The following MGAT4C variants were observed in gnomAD, a reference collection of about 807,000 sequenced individuals.
The protein encoded by MGAT4C is alpha-1,3-mannosyl-glycoprotein 4-beta-N-acetylglucosaminyltransferase C.
MGAT4C carries 19 observed loss-of-function variants against 40.1 expected under a neutral mutation model. The observed-to-expected ratio is 0.47, with a 90% CI of 0.33 to 0.70. The LOEUF is 0.70. Ranked by LOEUF, MGAT4C falls within the 30% of genes least tolerant of loss-of-function variation. MGAT4C has a pLI of 0.02. For synonymous variants in MGAT4C, 181 were observed against 187.1 expected (o/e 0.97, Z 0.27); for missense variants, 491 against 563.2 (o/e 0.87, Z 1.30).
chr12:86,471,958 ATAAACATT>A (rs559194311), intron 2 of MGAT4C, among the ~76,000 whole-genome samples: 105 of 152,266 alleles, frequency 6.9e-4, no homozygotes, highest in Admixed American at 1.1e-3. Flanking sequence ...TTTTTATCAT[ATAAACATT>A]TTGGTACATG....
At chr12:86,523,866 T>G (rs1452124502) in intron 2 of MGAT4C, among the ~76,000 whole-genome samples, 2 of 152,148 alleles carry the variant, frequency 1.3e-5, no homozygotes, top group Non-Finnish European at 2.9e-5. Flanking sequence ...TTTTCATATT[T>G]GTTGCTCTAA....
chr12:86,509,220 C>A (rs1958528285), intron 2 of MGAT4C, among the ~76,000 whole-genome samples: 2 of 152,144 alleles, frequency 1.3e-5, no homozygotes, highest in African/African-American at 4.8e-5. Flanking sequence ...TTTAATCCAT[C>A]TTGAATTGAT....
chr12:86,525,473 G>A (rs573841729), intron 2 of MGAT4C, among the ~76,000 whole-genome samples: 1 of 152,202 alleles, frequency 6.6e-6, no homozygotes, highest in African/African-American at 2.4e-5. Context: ...CAGAACACTT[G>A]CTGGAGAGGT....
At chr12:86,493,924 T>A (rs1445112375) in intron 2 of MGAT4C, among the ~76,000 whole-genome samples, 1 of 152,112 alleles carries the variant, frequency 6.6e-6, no homozygotes, top group Admixed American at 6.6e-5. Flanking sequence ...TCTTGCAACA[T>A]CTCTGAAAAT....
intron 2 of MGAT4C, among the ~76,000 whole-genome samples, chr12:86,501,764 T>C (rs972682253): frequency 6.6e-6 from 1 of 152,096 alleles, no homozygotes; most frequent in African/African-American, 2.4e-5. Context: ...TTTGGGTTGA[T>C]TCCATGTCTT....
chr12:86,722,595 A>G (rs1374372853), intron 2 of MGAT4C, among the ~76,000 whole-genome samples: 1 of 152,190 alleles, frequency 6.6e-6, no homozygotes, highest in Admixed American at 6.5e-5. Flanking sequence ...CTACCAAGTC[A>G]ATAGTTTTTA....
intron 3 of MGAT4C, among the ~76,000 whole-genome samples, chr12:86,366,718 T>C (rs1203634843): frequency 6.6e-6 from 1 of 152,152 alleles, no homozygotes; most frequent in African/African-American, 2.4e-5. Flanking sequence ...CTTTAATGTA[T>C]AATAAAGTTG....
chr12:86,711,670 C>T (rs1305742515), intron 2 of MGAT4C, among the ~76,000 whole-genome samples: 2 of 152,012 alleles, frequency 1.3e-5, no homozygotes, highest in Non-Finnish European at 2.9e-5. Context: ...ACAAGATAGA[C>T]TTTCATCTCA....
chr12:86,741,197 T>A (rs1951062986), intron 1 of MGAT4C, among the ~76,000 whole-genome samples: 1 of 151,258 alleles, frequency 6.6e-6, no homozygotes, highest in African/African-American at 2.4e-5. Context: ...TGCACTCGTA[T>A]GTTCATCACA....
Position 85,997,943 on chromosome 12 carries a change from T to A in MGAT4C, c.-6-8391A>T, listed in dbSNP as rs540597154. Among the ~76,000 whole-genome samples the A allele has an allele frequency of 2.6e-5, 4 of 152,344 alleles. No homozygotes were observed. In the East Asian group the frequency reaches 7.7e-4, roughly 29 times the overall value. On this transcript the variant is annotated intron_variant, in intron 2 of 4. Coordinates refer to ENST00000611864, the MANE Select transcript of MGAT4C (RefSeq NM_001351288.2). ...CAGTAGGGACTCAGTGTGGGGGCTC[T>A]GACCCCACATTTCCCTTCTGCACTG... is the stretch of plus-strand genomic sequence containing the variant.
At chr12:86,371,551 C>A (rs1285243357) in intron 3 of MGAT4C, among the ~76,000 whole-genome samples, 2 of 151,980 alleles carry the variant, frequency 1.3e-5, no homozygotes, top group East Asian at 3.9e-4. Flanking sequence ...CATGTGTTTT[C>A]ATGCTGTCTT....
intron 1 of MGAT4C, among the ~76,000 whole-genome samples, chr12:86,801,684 C>T (rs925339361): frequency 2.6e-5 from 4 of 151,740 alleles, no homozygotes; most frequent in Admixed American, 6.6e-5. Context: ...CTTTTCCTCT[C>T]AATTTCCAGG....
intron 2 of MGAT4C, among the ~76,000 whole-genome samples, chr12:86,475,065 T>C (rs774737144): frequency 6.6e-6 from 1 of 152,116 alleles, no homozygotes; most frequent in Non-Finnish European, 1.5e-5. Flanking sequence ...ATAACAGAGA[T>C]AGTATAGCTT....
intron 1 of MGAT4C, among the ~76,000 whole-genome samples, chr12:86,798,125 G>A (rs375235695): frequency 5.9e-5 from 9 of 151,930 alleles, no homozygotes; most frequent in East Asian, 1.9e-4. Flanking sequence ...CTGTGTGTGA[G>A]ATTAACTGAC....
intron 2 of MGAT4C, among the ~76,000 whole-genome samples, chr12:86,510,314 C>A (rs558789941): frequency 6.6e-6 from 1 of 152,162 alleles, no homozygotes; most frequent in South Asian, 2.1e-4. Context: ...ACCAACAGGC[C>A]TGCTCTAAAA....
At chr12:86,488,159 A>G (rs921922021) in intron 2 of MGAT4C, among the ~76,000 whole-genome samples, 1 of 151,728 alleles carries the variant, frequency 6.6e-6, no homozygotes, top group Non-Finnish European at 1.5e-5. Context: ...CTGAAGTGAG[A>G]GGATAGTGTG....
intron 1 of MGAT4C, among the ~76,000 whole-genome samples, chr12:86,222,969 C>T (rs973124189): frequency 6.6e-6 from 1 of 152,178 alleles, no homozygotes; most frequent in South Asian, 2.1e-4. Context: ...GAGAACTCCT[C>T]GACTTCTGTG....
At chr12:86,064,777 T>C (rs1417507720) in intron 1 of MGAT4C, among the ~76,000 whole-genome samples, 4 of 152,124 alleles carry the variant, frequency 2.6e-5, no homozygotes, top group Non-Finnish European at 5.9e-5. Context: ...ATCCAGGAGC[T>C]GGTTTTTTGA....
At chr12:86,500,753 C>G (rs1565806881) in intron 2 of MGAT4C, among the ~76,000 whole-genome samples, 1 of 151,918 alleles carries the variant, frequency 6.6e-6, no homozygotes, top group Non-Finnish European at 1.5e-5. Context: ...TGTTTCATAA[C>G]TGGATACAGA....
Sources: allele counts gnomAD v4.1 joint callset (sites outside exome capture counted in the v4.1 genomes callset), GRCh38; gene constraint gnomAD v4.1.1; transcripts MANE v1.5; gene names NCBI Gene and HGNC (gene_info 2026-07-23, HGNC 2026-07-21).